Variants in SYCP1 observed in about 807,000 individuals in gnomAD.
The protein encoded by SYCP1 is cancer/testis antigen 8.
In SYCP1, 64 loss-of-function variants were observed where a neutral mutation model predicts 153.1. The ratio of observed to expected loss-of-function variants is 0.42; its 90% CI spans 0.34 to 0.51. SYCP1 has a LOEUF of 0.51. Ranked by LOEUF, SYCP1 falls within the 20% of genes least tolerant of loss-of-function variation. The pLI is 0.06. For synonymous variants in SYCP1, 384 were observed against 341.8 expected, an observed-to-expected ratio of 1.12 and a Z score of -1.36; for missense variants, 997 against 1,049.0, an observed-to-expected ratio of 0.95 and a Z score of 0.68.
At chr1:114,908,150 A>G (rs1286081766) in intron 16 of SYCP1, among the ~76,000 whole-genome samples, 1 of 147,956 alleles carries the variant, frequency 6.8e-6, no homozygotes, top group Non-Finnish European at 1.5e-5. Context: ...CTTTTTGAAT[A>G]TATTATTTAT....
At chr1:114,942,431 C>G (rs1437299107) in intron 23 of SYCP1, among the ~76,000 whole-genome samples, 1 of 151,802 alleles carries the variant, frequency 6.6e-6, no homozygotes, top group Non-Finnish European at 1.5e-5. Context: ...TCTTTAAGAA[C>G]AAAGTAGGAA....
chr1:114,941,851 G>A (rs1406008549), intron 23 of SYCP1, among the ~76,000 whole-genome samples: 1 of 151,938 alleles, frequency 6.6e-6, no homozygotes, highest in African/African-American at 2.4e-5. Flanking sequence ...TTAAAATATT[G>A]TATTAAATTA....
At chr1:114,898,570 A>C (rs1175901060) in intron 16 of SYCP1, among the ~76,000 whole-genome samples, 2 of 152,200 alleles carry the variant, frequency 1.3e-5, no homozygotes, top group Non-Finnish European at 2.9e-5. Flanking sequence ...TCTAAAATGT[A>C]GGCAAAAACT....
In SYCP1 at chr1:114,855,565, T is replaced by A. The variant is rs779705209; in HGVS notation, c.101T>A (p.Phe34Tyr). The A allele has an allele frequency of 3.5e-5, 56 of 1,607,544 alleles. No individual in the cohort carries two copies. Among genetic ancestry groups the A allele is most frequent in the South Asian group, 2.1e-4 (19 of 90,180 alleles). ...CAGACCCTGGGAGGCGATTCCACTT[T>A]CTTCAAGGTAAATTTCCATGTGACT... is the stretch of plus-strand genomic sequence containing the variant. ...KPQTLGGDST[F>Y]FKSFNKCTED... is the part of the protein sequence containing the mutation. Residue 34 changes from phenylalanine (F) to tyrosine (Y), a missense_variant, in exon 2 of 32, where the codon TTC (phenylalanine) becomes TAC (tyrosine). Around this residue, in one of 2 missense-constraint regions of SYCP1, gnomAD observed 285 missense variants for 366.1 expected, o/e 0.78. Coordinates refer to ENST00000369522, the MANE Select transcript of SYCP1 (RefSeq NM_003176.4).
chr1:114,864,589 A>G (rs1664605836), intron 8 of SYCP1, among the ~76,000 whole-genome samples: 1 of 152,046 alleles, frequency 6.6e-6, no homozygotes, highest in South Asian at 2.1e-4. Flanking sequence ...CCCAAGCTCA[A>G]GCAATCTTCC....
Position 114,860,800 on chromosome 1 carries a change from A to G in SYCP1, c.589A>G (p.Thr197Ala), listed in dbSNP as rs767948480. The change falls in exon 8 of 32, where the codon ACA becomes GCA. Residue 197 changes from threonine to alanine, a missense_variant. Transcript: ENST00000369522. ...AACCTGTGCTAGATCTGCAGAAAAG[A>G]CAAAGAAATGTAAATATCTTTCTTG... is the stretch of plus-strand genomic sequence containing the variant. ...KETCARSAEKTKKYEYEREET... is the reference protein window; with the variant it reads ...KETCARSAEKAKKYEYEREET... 5.0e-6 allele frequency: 8 copies of G among 1,587,430 alleles called. No individual in the cohort carries two copies. The highest frequency in any genetic ancestry group is 1.8e-5 in the Admixed American group (1 of 54,744).
At position 114,935,275 on chromosome 1, in the gene SYCP1, A is replaced by G. The variant is rs1046892190; in HGVS notation, c.1926+8712A>G. Among the ~76,000 whole-genome samples, 7 of 152,320 alleles carry G rather than the reference A, an allele frequency of 4.6e-5. No individual in the cohort carries two copies. The East Asian group carries it at 1.2e-3, about 25-fold the overall frequency. On this transcript the variant is annotated intron_variant, in intron 23 of 31. Coordinates refer to ENST00000369522, the MANE Select transcript of SYCP1 (RefSeq NM_003176.4). ...AACTCACTCAAAACCACTCAACTAC[A>G]TGGAAACTGAACAACCTGCTCCTGA...
intron 23 of SYCP1, among the ~76,000 whole-genome samples, chr1:114,938,875 A>T (rs192043920): frequency 2.0e-5 from 3 of 152,242 alleles, no homozygotes; most frequent in South Asian, 2.1e-4. Flanking sequence ...CCTCATACCC[A>T]TTAGAATGGG....
intron 19 of SYCP1, among the ~76,000 whole-genome samples, chr1:114,913,605 A>C (rs1170857307): frequency 6.6e-6 from 1 of 152,094 alleles, no homozygotes; most frequent in Non-Finnish European, 1.5e-5. Context: ...TCTGCTTTGG[A>C]TAAAGAGAAG....
intron 27 of SYCP1, among the ~76,000 whole-genome samples, chr1:114,957,019 A>G (rs370118604): frequency 6.6e-6 from 1 of 152,124 alleles, no homozygotes; most frequent in South Asian, 2.1e-4. Context: ...GAAATGTGTG[A>G]TCTCTCAAAG....
chr1:114,980,665 A>G (rs1388317217), intron 28 of SYCP1, among the ~76,000 whole-genome samples: 1 of 151,964 alleles, frequency 6.6e-6, no homozygotes, highest in Non-Finnish European at 1.5e-5. Context: ...TATTGTAATG[A>G]ACCATAGATT....
intron 27 of SYCP1, among the ~76,000 whole-genome samples, chr1:114,968,851 T>A (rs1423592419): frequency 6.6e-6 from 1 of 152,162 alleles, no homozygotes. Context: ...AGACCTTCAG[T>A]TGGGGTTTTT....
At chr1:114,951,361 A>G (rs1671095057) in intron 27 of SYCP1, among the ~76,000 whole-genome samples, 1 of 152,208 alleles carries the variant, frequency 6.6e-6, no homozygotes, top group African/African-American at 2.4e-5. Context: ...AAAATGCCAT[A>G]TTAGCTACTT....
chr1:114,921,154 T>A (rs1668843372), intron 20 of SYCP1, among the ~76,000 whole-genome samples: 2 of 152,248 alleles, frequency 1.3e-5, no homozygotes, highest in African/African-American at 4.8e-5. Context: ...GTATTTTTTT[T>A]ATTTGAAGTT....
At chr1:114,911,993 G>A (rs360659) in intron 18 of SYCP1, among the ~76,000 whole-genome samples, 53,775 of 151,818 alleles carry the variant, frequency 0.35, 10,535 homozygotes, top group East Asian at 0.5. Context: ...TACTCAGTAA[G>A]TTTAATTTGG....
intron 28 of SYCP1, among the ~76,000 whole-genome samples, chr1:114,978,718 G>C (rs1460517861): frequency 6.6e-6 from 1 of 151,572 alleles, no homozygotes; most frequent in Admixed American, 6.6e-5. Context: ...TATTACACTT[G>C]AGTTAAAAGA....
chr1:114,977,454 G>A lies in SYCP1; in HGVS notation c.2323-103G>A, dbSNP rs77226560. Reference sequence around the variant, plus strand: ...ATTACTTTATAAGATTGAGAGGTTCGTCATCTTTCTTTGTTAATACTTACT... The same window carrying A: ...ATTACTTTATAAGATTGAGAGGTTCATCATCTTTCTTTGTTAATACTTACT... On this transcript the variant is annotated intron_variant, in intron 27 of 31. Transcript: ENST00000369522. 3.1e-4 allele frequency: 216 copies of A among 685,816 alleles called. 2 individuals are homozygous for A. In the East Asian group the frequency reaches 5.5e-3, roughly 17 times the overall value. The allele number at this position is 685,816 out of a possible 1,614,324, so 42.5% of individuals were successfully genotyped here.
Position 114,876,802 on chromosome 1 carries a change from GA to G in SYCP1, c.797del (p.Lys266SerfsTer7). On this transcript the variant is annotated frameshift_variant, in exon 11 of 32. Transcript: ENST00000369522. LOFTEE classifies it high-confidence loss of function. ...ATACAAGAAGGAAATAAATGACAAG[GA>G]AAAGCAGGTTTTTTAAAAAACCAAC... is the stretch of plus-strand genomic sequence containing the variant. ...QEYKKEINDK[E>X]KQVSLLLIQI... 7.2e-7 allele frequency: 1 copy of G among 1,389,866 alleles called. No individual in the cohort carries two copies. The highest frequency in any genetic ancestry group is 9.4e-7 in the Non-Finnish European group (1 of 1,066,942). The allele number at this position is 1,389,866 out of a possible 1,614,324, so 86.1% of individuals were successfully genotyped here.
At chr1:114,973,774 T>C (rs1340245904) in intron 27 of SYCP1, among the ~76,000 whole-genome samples, 1 of 151,936 alleles carries the variant, frequency 6.6e-6, no homozygotes, top group Non-Finnish European at 1.5e-5. Context: ...TTACCATCTT[T>C]ACCAAGAAGT....
Sources: allele counts gnomAD v4.1 joint callset (sites outside exome capture counted in the v4.1 genomes callset), GRCh38; gene constraint gnomAD v4.1.1; regional missense constraint gnomAD v4.1.1; transcripts MANE v1.5; gene names NCBI Gene and HGNC (gene_info 2026-07-23, HGNC 2026-07-21).